Variants in ZNF611 observed in about 807,000 individuals in gnomAD.
ZNF611 encodes the protein zinc finger protein 611.
A neutral mutation model predicts 8.9 loss-of-function variants in ZNF611; 6 were observed. The ratio of observed to expected loss-of-function variants is 0.68; its 90% CI spans 0.37 to 1.34. The LOEUF (loss-of-function observed/expected upper bound fraction) is 1.34, where lower values mean the gene tolerates loss of function less well. ZNF611 is among the 40% of genes most tolerant of loss of function. ZNF611 has a pLI of 0.02. For missense variants in ZNF611, 874 were observed against 841.3 expected (o/e 1.04, Z -0.48); for synonymous variants, 262 against 279.7 (o/e 0.94, Z 0.63).
intron 3 of ZNF611, among the ~76,000 whole-genome samples, chr19:52,722,233 C>G (rs146442850): frequency 7.2e-4 from 109 of 151,968 alleles, no homozygotes; most frequent in African/African-American, 2.6e-3. Context: ...AAATAAATAA[C>G]TAGCCGGGCT....
intron 3 of ZNF611, chr19:52,723,910 A>G (rs1172318975): frequency 6.6e-6 from 1 of 152,236 alleles, no homozygotes; most frequent in Admixed American, 6.5e-5. Flanking sequence ...TTGACTTTAC[A>G]CAAACATCTC....
chr19:52,728,314 G>C (rs1419825433), intron 3 of ZNF611, among the ~76,000 whole-genome samples: 1 of 152,182 alleles, frequency 6.6e-6, no homozygotes, highest in Non-Finnish European at 1.5e-5. Flanking sequence ...CGAGGCTGGA[G>C]GATCATCTGA....
chr19:52,721,660 C>T (rs1021930351), intron 3 of ZNF611, among the ~76,000 whole-genome samples: 5 of 142,042 alleles, frequency 3.5e-5, no homozygotes, highest in East Asian at 2.0e-4. Context: ...AGAGGGAGAC[C>T]GTGGAAAGTG....
At chr19:52,719,073 G>C (rs2062337072) in intron 3 of ZNF611, among the ~76,000 whole-genome samples, 1 of 152,082 alleles carries the variant, frequency 6.6e-6, no homozygotes, top group African/African-American at 2.4e-5. Flanking sequence ...GGGAGGCTGA[G>C]GCAGAGCATT....
chr19:52,714,003 C>T lies in ZNF611; in HGVS notation c.190+12G>A. 2.5e-6 allele frequency: 4 copies of T among 1,614,002 alleles called. No homozygotes were observed. The highest frequency in any genetic ancestry group is 3.4e-6 in the Non-Finnish European group (4 of 1,179,974). On this transcript the variant is annotated intron_variant, in intron 5 of 5. Transcript: ENST00000652185. ...AGCAGACTCCTCATGTCTGCAGGGA[C>T]ATTTTCCTCACCCACAGCCTCCAGG...
chr19:52,713,702 A>C (rs1215873581), intron 5 of ZNF611, among the ~76,000 whole-genome samples: 3 of 151,862 alleles, frequency 2.0e-5, no homozygotes, highest in Non-Finnish European at 2.9e-5. Flanking sequence ...GACGAGCCTG[A>C]CCAACATGGA....
intron 3 of ZNF611, among the ~76,000 whole-genome samples, chr19:52,720,387 C>T (rs11881629): frequency 0.033 from 4,088 of 124,160 alleles, 251 homozygotes; most frequent in African/African-American, 0.12. Flanking sequence ...GAGGCGCTCC[C>T]CACTTCCCAG....
rs376682336 is a variant in ZNF611, at chr19:52,726,769, C to G, written c.-20+1961G>C. Among the ~76,000 whole-genome samples the G allele has an allele frequency of 6.1e-4, 90 of 147,748 alleles. 1 individual carries two copies. The highest frequency in any genetic ancestry group is 2.2e-3 in the African/African-American group (88 of 40,152). On this transcript the variant is annotated intron_variant, in intron 3 of 5. Coordinates refer to ENST00000652185, the MANE Select transcript of ZNF611 (RefSeq NM_001161499.2). ...TTAAACAAAATTTTTCATGGTGTGA[C>G]ACAGGGATCCAACATTATTCTTTTC...
At chr19:52,721,169 C>T (rs986550871) in intron 3 of ZNF611, 1 of 153,250 alleles carries the variant, frequency 6.5e-6, no homozygotes, top group African/African-American at 2.5e-5. Flanking sequence ...GGATGGCGGC[C>T]GTGCAGAGGT....
intron 3 of ZNF611, among the ~76,000 whole-genome samples, chr19:52,718,974 C>T (rs1441411976): frequency 6.6e-6 from 1 of 152,108 alleles, no homozygotes; most frequent in Non-Finnish European, 1.5e-5. Flanking sequence ...AGTTCAAGAG[C>T]AGTCTGGCCA....
intron 4 of ZNF611, among the ~76,000 whole-genome samples, chr19:52,714,716 A>AAAAAAACG (rs1555795581): frequency 2.5e-5 from 1 of 40,362 alleles, no homozygotes; most frequent in African/African-American, 1.8e-4. Flanking sequence ...AAACAAAAAA[A>AAAAAAACG]CAATGCCGGG....
intron 5 of ZNF611, among the ~76,000 whole-genome samples, chr19:52,710,608 A>G (rs1271940986): frequency 6.6e-6 from 1 of 151,928 alleles, no homozygotes; most frequent in Non-Finnish European, 1.5e-5. Context: ...CAAGCCATCT[A>G]CCCACCTCAG....
chr19:52,705,856 C>T lies in ZNF611; in HGVS notation c.1199G>A (p.Cys400Tyr). ...RIHTGEKPYR[C>Y]KVCDTAFTWH... ...CGTGAAAGCTGTGTCACAAACCTTA[C>T]ATCTGTATGGTTTCTCTCCAGTATG... Residue 400 changes from cysteine to tyrosine, a missense_variant, in exon 6 of 6, where the codon TGT (cysteine) becomes TAT (tyrosine). Physicochemically the swap from Cys to Tyr is radical, Grantham distance 194 (BLOSUM62 -2). Transcript: ENST00000652185. The T allele has an allele frequency of 1.2e-6, 2 of 1,614,154 alleles. No homozygotes were observed. Among genetic ancestry groups the T allele is most frequent in the Non-Finnish European group, 1.7e-6 (2 of 1,180,028 alleles).
chr19:52,726,142 A>AGCTTCAGAGACTT (rs1438303035), intron 3 of ZNF611, among the ~76,000 whole-genome samples: 2 of 152,122 alleles, frequency 1.3e-5, no homozygotes, highest in African/African-American at 4.8e-5. Flanking sequence ...GGGAGAGTCC[A>AGCTTCAGAGACTT]CCCTGTGCTC....
intron 3 of ZNF611, among the ~76,000 whole-genome samples, chr19:52,726,664 T>C (rs7249642): frequency 0.66 from 99,899 of 151,072 alleles, 33,529 homozygotes; most frequent in African/African-American, 0.78. Flanking sequence ...GTGATCCACC[T>C]GCCTCAGCCT....
chr19:52,709,342 G>A (rs533796270), intron 5 of ZNF611, among the ~76,000 whole-genome samples: 9 of 151,846 alleles, frequency 5.9e-5, no homozygotes, highest in African/African-American at 2.2e-4. Flanking sequence ...GTGCAATCTT[G>A]GCTCACTGCA....
At chr19:52,719,205 A>G (rs2147434246) in intron 3 of ZNF611, among the ~76,000 whole-genome samples, 1 of 152,294 alleles carries the variant, frequency 6.6e-6, no homozygotes. Flanking sequence ...CACACAAAAA[A>G]ACCAACCACA....
In ZNF611 at chr19:52,730,412, A is replaced by C. The variant is rs926098951; in HGVS notation, c.-221-407T>G. Among the ~76,000 whole-genome samples the C allele has an allele frequency of 1.7e-4, 25 of 149,972 alleles. 2 individuals are homozygous for C. The highest frequency in any genetic ancestry group is 5.9e-4 in the African/African-American group (24 of 40,668). The stretch of plus-strand genomic sequence containing the variant: ...GTCTCAAAAAAAAAAAAAAAAAAAA[A>C]AAAAAAAAAAAACATGATGTAGGCT... On this transcript the variant is annotated intron_variant, in intron 1 of 5. Transcript: ENST00000652185.
At chr19:52,718,012 T>C (rs1032799735) in intron 3 of ZNF611, among the ~76,000 whole-genome samples, 2 of 152,048 alleles carry the variant, frequency 1.3e-5, no homozygotes, top group Non-Finnish European at 2.9e-5. Flanking sequence ...TCTAATGAAA[T>C]CTTGGGTCAA....
Sources: allele counts gnomAD v4.1 joint callset (sites outside exome capture counted in the v4.1 genomes callset), GRCh38; gene constraint gnomAD v4.1.1; transcripts MANE v1.5; gene names NCBI Gene and HGNC (gene_info 2026-07-23, HGNC 2026-07-21).